CDIP1: variants seen among roughly 807,000 people sequenced by gnomAD.
The protein encoded by CDIP1 is cell death-inducing p53-target protein 1.
CDIP1 carries 9 observed loss-of-function variants against 17.7 expected under a neutral mutation model. The ratio of observed to expected loss-of-function variants is 0.51; its 90% CI spans 0.31 to 0.89. The LOEUF (loss-of-function observed/expected upper bound fraction) is 0.89. Among genes scored for constraint, CDIP1 ranks in the 40% least tolerant of loss-of-function variants. The probability of loss-of-function intolerance (pLI) is 0.05; values close to 1 mark genes in which losing one functional copy is unlikely to be tolerated. For missense variants in CDIP1, 263 were observed against 277.9 expected (o/e 0.95, Z 0.38); for synonymous variants, 117 against 109.5 (o/e 1.07, Z -0.43).
At position 4,514,190 on chromosome 16, in the gene CDIP1, G is replaced by A; in HGVS notation, c.-14-46C>T. On this transcript the variant is annotated intron_variant, in intron 2 of 5. Coordinates refer to ENST00000567695, the MANE Select transcript of CDIP1 (RefSeq NM_013399.3). This position sits in a 1 kb window ranked among gnomAD's most constrained non-coding sequence, Gnocchi z 5.2. Reference sequence around the variant, plus strand: ...CAGACATGAACTAAGCTCCCAGCCAGGTTCCTTCTCCTTCAGCCCTGTGGG... The same window carrying A: ...CAGACATGAACTAAGCTCCCAGCCAAGTTCCTTCTCCTTCAGCCCTGTGGG... 8.6e-7 allele frequency: 1 copy of A among 1,157,454 alleles called. No homozygotes were observed. Among genetic ancestry groups the A allele is most frequent in the African/African-American group, 1.6e-5 (1 of 61,922 alleles). 71.7% of individuals were successfully genotyped at this position (1,157,454 alleles called of 1,614,324 possible).
intron 1 of CDIP1, among the ~76,000 whole-genome samples, chr16:4,529,239 G>A (rs996973245): frequency 1.6e-4 from 25 of 152,298 alleles, no homozygotes; most frequent in South Asian, 8.3e-4. Context: ...TGTAAAGTTG[G>A]AATGTAATGA....
rs769399576 is a variant in CDIP1, at chr16:4,512,461, G to A, written c.*111C>T. On this transcript the variant is annotated 3_prime_UTR_variant, in exon 6 of 6. Transcript: ENST00000567695. This position sits in a 1 kb window ranked among gnomAD's most constrained non-coding sequence, Gnocchi z 4.6. ...GAAGAGGACAGGACTTCTAGGGGAT[G>A]GTGGCACGGCTCCCAGCCCCAAGTG... 5 of 772,144 alleles carry A rather than the reference G, an allele frequency of 6.5e-6. No individual in the cohort carries two copies. Among genetic ancestry groups the A allele is most frequent in the African/African-American group, 1.7e-5 (1 of 58,560 alleles). 47.8% of individuals were successfully genotyped at this position (772,144 alleles called of 1,614,324 possible).
intron 1 of CDIP1, among the ~76,000 whole-genome samples, chr16:4,518,279 C>A (rs1214359084): frequency 6.6e-6 from 1 of 152,234 alleles, no homozygotes; most frequent in Non-Finnish European, 1.5e-5. Flanking sequence ...CTCAAAAATT[C>A]TATTTCTGGA....
chr16:4,537,227 T>G (rs1279774861), intron 1 of CDIP1, among the ~76,000 whole-genome samples: 2 of 152,186 alleles, frequency 1.3e-5, no homozygotes, highest in African/African-American at 4.8e-5. Flanking sequence ...GACAAATATG[T>G]GATGAAATAC....
At chr16:4,521,300 C>A (rs902830197) in intron 1 of CDIP1, among the ~76,000 whole-genome samples, 6 of 152,092 alleles carry the variant, frequency 3.9e-5, no homozygotes, top group Non-Finnish European at 8.8e-5. Context: ...TGATCCTAGC[C>A]CCCCGAGTGG....
chr16:4,524,985 C>A (rs2058985348), intron 1 of CDIP1, among the ~76,000 whole-genome samples: 1 of 152,064 alleles, frequency 6.6e-6, no homozygotes, highest in Admixed American at 6.6e-5. Flanking sequence ...CCTGTGGTCC[C>A]AGCTACTTGG....
At chr16:4,531,142 C>T (rs1477180501) in intron 1 of CDIP1, among the ~76,000 whole-genome samples, 1 of 151,990 alleles carries the variant, frequency 6.6e-6, no homozygotes, top group Non-Finnish European at 1.5e-5. Context: ...AATTCTCATG[C>T]CTCAGCCTCC....
At chr16:4,528,241 C>A (rs981862437) in intron 1 of CDIP1, among the ~76,000 whole-genome samples, 1 of 152,118 alleles carries the variant, frequency 6.6e-6, no homozygotes, top group Non-Finnish European at 1.5e-5. Flanking sequence ...CATTTTTTGT[C>A]TTTGTTTTTT....
intron 1 of CDIP1, among the ~76,000 whole-genome samples, chr16:4,518,013 C>A (rs894956369): frequency 2.0e-5 from 3 of 152,212 alleles, no homozygotes; most frequent in African/African-American, 7.2e-5. Context: ...AGTGGCCCAA[C>A]ACTGTGGTCT....
At chr16:4,533,901 G>A (rs771521398) in intron 1 of CDIP1, among the ~76,000 whole-genome samples, 7 of 152,138 alleles carry the variant, frequency 4.6e-5, no homozygotes, top group African/African-American at 4.8e-5. Context: ...CATGTGTGTT[G>A]AAGAAATGAG....
chr16:4,523,398 C>T (rs1159443303), intron 1 of CDIP1, among the ~76,000 whole-genome samples: 1 of 152,142 alleles, frequency 6.6e-6, no homozygotes, highest in Admixed American at 6.6e-5. Flanking sequence ...CCTGTAATCC[C>T]AGCTACTTAG....
chr16:4,531,284 T>A (rs1299798749), intron 1 of CDIP1, among the ~76,000 whole-genome samples: 1 of 151,860 alleles, frequency 6.6e-6, no homozygotes, highest in African/African-American at 2.4e-5. Context: ...TACCTCGGCC[T>A]CCCAAAGTGC....
chr16:4,522,181 G>A (rs565728441), intron 1 of CDIP1, among the ~76,000 whole-genome samples: 73 of 152,294 alleles, frequency 4.8e-4, no homozygotes, highest in Admixed American at 9.8e-4. Flanking sequence ...CTGCTCCACG[G>A]TAACCCGAGA....
Position 4,512,656 on chromosome 16 carries a change from G to A in CDIP1, c.543C>T (p.Pro181=), listed in dbSNP as rs745414741. The A allele has an allele frequency of 6.2e-7, 1 of 1,613,938 alleles. No individual in the cohort carries two copies. Among genetic ancestry groups the A allele is most frequent in the East Asian group, 2.2e-5 (1 of 44,870 alleles). Residue 181 remains proline (P), a synonymous_variant, in exon 6 of 6, where the codon CCC becomes CCT. Coordinates refer to ENST00000567695, the MANE Select transcript of CDIP1 (RefSeq NM_013399.3). This position sits in a 1 kb window ranked among gnomAD's most constrained non-coding sequence, Gnocchi z 4.6. ...CATCCTTGAAGTCATTGATGAGGCA[G>A]GGGATCAGGCAGCAGCCCAGATCAC... is the stretch of plus-strand genomic sequence containing the variant. The part of the protein sequence containing the change: ...MGCDLGCCLI[P]CLINDFKDVT...
Position 4,512,355 on chromosome 16 carries a change from C to G in CDIP1, c.*217G>C. ...AACAACACACAAGCTCATTGTCAGC[C>G]CCCTGCCACCCACTGACCCTTGGCC... On this transcript the variant is annotated 3_prime_UTR_variant, in exon 6 of 6. Coordinates refer to ENST00000567695, the MANE Select transcript of CDIP1 (RefSeq NM_013399.3). The surrounding 1 kb of genome is among the most constrained non-coding windows in gnomAD (Gnocchi z 4.6). 1.7e-6 allele frequency: 1 copy of G among 595,574 alleles called. No individual in the cohort carries two copies. The highest frequency in any genetic ancestry group is 3.0e-6 in the Non-Finnish European group (1 of 331,124). 36.9% of individuals were successfully genotyped at this position (595,574 alleles called of 1,614,324 possible).
Position 4,514,141 on chromosome 16 carries a change from TCTC to T in CDIP1, c.-14_-12del. On this transcript the variant is annotated splice_region_variant and 5_prime_UTR_variant, in exon 3 of 6. Transcript: ENST00000567695. The surrounding 1 kb of genome is among the most constrained non-coding windows in gnomAD (Gnocchi z 5.2). Reference sequence around the variant, plus strand: ...AGGCTCGCTGGACATCTTCGCTGCTTCTCCTGGACATGGAGGGAAAACCCAGAC... The same window carrying T: ...AGGCTCGCTGGACATCTTCGCTGCTTCTGGACATGGAGGGAAAACCCAGAC... 2 of 1,526,320 alleles carry T rather than the reference TCTC, an allele frequency of 1.3e-6. No homozygotes were observed. Among genetic ancestry groups the T allele is most frequent in the East Asian group, 2.5e-5 (1 of 39,680 alleles). 94.5% of individuals were successfully genotyped at this position (1,526,320 alleles called of 1,614,324 possible).
chr16:4,533,561 T>C lies in CDIP1; in HGVS notation c.-105+5141A>G, dbSNP rs1281317430. On this transcript the variant is annotated intron_variant, in intron 1 of 5. Transcript: ENST00000567695. Reference sequence around the variant, plus strand: ...TAAACCATGACCAGTCAGCAAGTCCTACTAACTCCATGGTTCAAAGGCCCT... The same window carrying C: ...TAAACCATGACCAGTCAGCAAGTCCCACTAACTCCATGGTTCAAAGGCCCT... 3 of 152,408 alleles carry C rather than the reference T, an allele frequency of 2.0e-5. No homozygotes were observed. The East Asian group carries it at 5.8e-4, about 29-fold the overall frequency. 9.4% of individuals were successfully genotyped at this position (152,408 alleles called of 1,614,324 possible).
intron 1 of CDIP1, among the ~76,000 whole-genome samples, chr16:4,537,575 G>T (rs908047082): frequency 6.6e-6 from 1 of 152,134 alleles, no homozygotes; most frequent in Non-Finnish European, 1.5e-5. Context: ...CTGCCCCCGG[G>T]CCCGCCAACC....
chr16:4,528,422 G>T (rs1025179465), intron 1 of CDIP1, among the ~76,000 whole-genome samples: 2 of 152,224 alleles, frequency 1.3e-5, no homozygotes, highest in Middle Eastern at 6.8e-3. Context: ...GAGTTTAGGG[G>T]ATTTGTTTAT....
Sources: gnomAD v4.1 joint callset for allele counts (sites outside exome capture counted in the v4.1 genomes callset) on GRCh38, gnomAD v4.1.1 for gene constraint, Gnocchi (gnomAD v3.1) non-coding constraint, MANE v1.5 for transcripts, NCBI Gene and HGNC (gene_info 2026-07-23, HGNC 2026-07-21) for gene names.